Variants in EPHA6 observed in about 807,000 individuals in gnomAD.
EPHA6 encodes ephrin type-A receptor 6.
A neutral mutation model predicts 112.0 loss-of-function variants in EPHA6; 50 were observed. The observed-to-expected ratio is 0.45, with a 90% confidence interval of 0.36 to 0.56. EPHA6 has a LOEUF of 0.56. Ranked by LOEUF, EPHA6 falls within the 20% of genes least tolerant of loss-of-function variation. The pLI is 0.00. For missense variants in EPHA6, 1,280 were observed against 1,417.4 expected, an observed-to-expected ratio of 0.90 and a Z score of 1.56; for synonymous variants, 529 against 490.7, an observed-to-expected ratio of 1.08 and a Z score of -1.03.
At chr3:97,462,200 A>T (rs1256566042) in intron 7 of EPHA6, among the ~76,000 whole-genome samples, 1 of 152,092 alleles carries the variant, frequency 6.6e-6, no homozygotes, top group Non-Finnish European at 1.5e-5. Context: ...TAATACTACC[A>T]TTTCTTATGA....
intron 5 of EPHA6, among the ~76,000 whole-genome samples, chr3:97,326,280 T>C (rs1208142928): frequency 1.3e-5 from 2 of 152,002 alleles, no homozygotes; most frequent in East Asian, 3.9e-4. Flanking sequence ...AATGTACAGA[T>C]AGACAACAGC....
chr3:96,994,732 T>TATATATATATATATATAGAG (rs1170197805), intron 3 of EPHA6, among the ~76,000 whole-genome samples: 1 of 82,218 alleles, frequency 1.2e-5, no homozygotes, highest in African/African-American at 6.4e-5. Context: ...TATATATATA[T>TATATATATATATATATAGAG]AGAGAGAGAG....
intron 12 of EPHA6, among the ~76,000 whole-genome samples, chr3:97,604,377 A>C (rs1298089160): frequency 6.6e-6 from 1 of 151,744 alleles, no homozygotes; most frequent in East Asian, 1.9e-4. Context: ...TTAGTGCTAA[A>C]ACTGGAAGTT....
intron 14 of EPHA6, among the ~76,000 whole-genome samples, chr3:97,693,671 G>T (rs935394606): frequency 6.6e-6 from 1 of 152,232 alleles, no homozygotes; most frequent in Admixed American, 6.5e-5. Flanking sequence ...AGCCGGGCAT[G>T]GTGGCGGGCG....
At chr3:97,108,593 G>A (rs1227442477) in intron 3 of EPHA6, among the ~76,000 whole-genome samples, 1 of 152,064 alleles carries the variant, frequency 6.6e-6, no homozygotes, top group Non-Finnish European at 1.5e-5. Flanking sequence ...AGAGATGAAG[G>A]GACGATTTTT....
At chr3:97,086,336 A>G (rs1007243799) in intron 3 of EPHA6, among the ~76,000 whole-genome samples, 14 of 152,104 alleles carry the variant, frequency 9.2e-5, no homozygotes, top group African/African-American at 3.4e-4. Context: ...CAGTATTTAC[A>G]TTTCATTATA....
At chr3:97,196,552 G>A (rs1306727542) in intron 3 of EPHA6, among the ~76,000 whole-genome samples, 1 of 152,000 alleles carries the variant, frequency 6.6e-6, no homozygotes. Flanking sequence ...CAATGTCCAG[G>A]CATTGAAGAG....
At chr3:97,027,153 C>T (rs980300548) in intron 3 of EPHA6, among the ~76,000 whole-genome samples, 1 of 152,110 alleles carries the variant, frequency 6.6e-6, no homozygotes, top group African/African-American at 2.4e-5. Context: ...TTGGATGGAG[C>T]TGGAGGCCAT....
intron 14 of EPHA6, among the ~76,000 whole-genome samples, chr3:97,675,399 G>A (rs541307896): frequency 6.6e-6 from 1 of 152,176 alleles, no homozygotes; most frequent in Non-Finnish European, 1.5e-5. Flanking sequence ...AGAATCACTT[G>A]AGCCTGGGAG....
chr3:97,288,923 GA>G (rs2080576473), intron 5 of EPHA6, among the ~76,000 whole-genome samples: 1 of 64,166 alleles, frequency 1.6e-5, no homozygotes. Flanking sequence ...TTTTAATGGG[GA>G]TTTTTTTTTT....
chr3:97,428,296 A>G (rs901369148), intron 6 of EPHA6, among the ~76,000 whole-genome samples: 2 of 152,154 alleles, frequency 1.3e-5, no homozygotes, highest in African/African-American at 2.4e-5. Flanking sequence ...AAAATTCATG[A>G]TAGTAAATAT....
chr3:97,494,497 A>G (rs543679172), intron 10 of EPHA6, among the ~76,000 whole-genome samples: 1 of 152,296 alleles, frequency 6.6e-6, no homozygotes, highest in East Asian at 1.9e-4. Context: ...CGTGAGCTGT[A>G]ATTTCCCTAT....
intron 2 of EPHA6, among the ~76,000 whole-genome samples, chr3:96,928,148 C>T (rs1355495010): frequency 6.6e-6 from 1 of 152,156 alleles, no homozygotes; most frequent in Non-Finnish European, 1.5e-5. Context: ...GATTATAATT[C>T]AGATGAGATT....
chr3:97,454,941 G>C lies in EPHA6; in HGVS notation c.1894+6211G>C, dbSNP rs549542008. Reference sequence around the variant, plus strand: ...CATATTTATGAGTCTACCCAGAGGAGGACAAATTCCAGTATATAAGACTTT... The same window carrying C: ...CATATTTATGAGTCTACCCAGAGGACGACAAATTCCAGTATATAAGACTTT... On this transcript the variant is annotated intron_variant, in intron 7 of 17. Coordinates refer to ENST00000389672, the MANE Select transcript of EPHA6 (RefSeq NM_001080448.3). Among the ~76,000 whole-genome samples, 185 of 151,966 alleles carry C rather than the reference G, an allele frequency of 1.2e-3. 1 individual carries two copies. Among genetic ancestry groups the C allele is most frequent in the African/African-American group, 3.5e-3 (147 of 41,518 alleles).
At chr3:97,046,906 A>G (rs1243357293) in intron 3 of EPHA6, among the ~76,000 whole-genome samples, 1 of 152,182 alleles carries the variant, frequency 6.6e-6, no homozygotes, top group Non-Finnish European at 1.5e-5. Flanking sequence ...GGATGAATGT[A>G]TATCATTAAT....
intron 12 of EPHA6, among the ~76,000 whole-genome samples, chr3:97,594,807 T>C (rs573302732): frequency 3.9e-5 from 6 of 152,326 alleles, no homozygotes; most frequent in Admixed American, 6.5e-5. Context: ...AAGTGTTTTC[T>C]CCCATGGCCC....
At chr3:96,904,444 C>A (rs1353127104) in intron 2 of EPHA6, among the ~76,000 whole-genome samples, 4 of 112,510 alleles carry the variant, frequency 3.6e-5, no homozygotes, top group African/African-American at 1.5e-4. Context: ...ACATCACACA[C>A]TGGGGTCTGT....
At chr3:97,326,322 A>G (rs764530577) in intron 5 of EPHA6, among the ~76,000 whole-genome samples, 41 of 152,058 alleles carry the variant, frequency 2.7e-4, no homozygotes, top group Middle Eastern at 3.4e-3. Flanking sequence ...GCAGCATTAT[A>G]TGCAATAGTA....
intron 10 of EPHA6, among the ~76,000 whole-genome samples, chr3:97,493,942 T>G (rs563567258): frequency 6.6e-6 from 1 of 152,278 alleles, no homozygotes; most frequent in South Asian, 2.1e-4. Flanking sequence ...ACAATTTCAG[T>G]TACTTTTCAG....
Sources: allele counts gnomAD v4.1 joint callset (sites outside exome capture counted in the v4.1 genomes callset), GRCh38; gene constraint gnomAD v4.1.1; transcripts MANE v1.5; gene names NCBI Gene and HGNC (gene_info 2026-07-23, HGNC 2026-07-21).